The following CADPS2 variants were observed in gnomAD, a reference collection of about 807,000 sequenced individuals.
CADPS2 encodes the protein calcium dependent secretion activator 2, also known as calcium-dependent secretion activator 2.
CADPS2 carries 93 observed loss-of-function variants against 172.5 expected under a neutral mutation model. The observed-to-expected ratio is 0.54, with a 90% CI of 0.46 to 0.64. CADPS2 has a LOEUF of 0.64. Ranked by LOEUF, CADPS2 falls within the 30% of genes least tolerant of loss-of-function variation. The probability of loss-of-function intolerance (pLI) is 0.00; values close to 1 mark genes in which losing one functional copy is unlikely to be tolerated. For missense variants in CADPS2, 1,420 were observed against 1,565.9 expected, an observed-to-expected ratio of 0.91 and a Z score of 1.57; for synonymous variants, 546 against 555.2, an observed-to-expected ratio of 0.98 and a Z score of 0.23.
At chr7:122,543,464 T>G (rs1215906408) in intron 8 of CADPS2, among the ~76,000 whole-genome samples, 1 of 152,094 alleles carries the variant, frequency 6.6e-6, no homozygotes, top group African/African-American at 2.4e-5. Flanking sequence ...ATAAATTTAC[T>G]CATTTATTGA....
intron 2 of CADPS2, among the ~76,000 whole-genome samples, chr7:122,679,984 T>C (rs10265175): frequency 0.063 from 9,613 of 152,306 alleles, 412 homozygotes; most frequent in African/African-American, 0.1. Flanking sequence ...ATCTTTGCCA[T>C]GATTAGCTTG....
chr7:122,761,579 C>A (rs2093379869), intron 1 of CADPS2, among the ~76,000 whole-genome samples: 2 of 151,820 alleles, frequency 1.3e-5, no homozygotes, highest in Non-Finnish European at 2.9e-5. Context: ...AGAATCAGAC[C>A]AGCAGGACGA....
intron 1 of CADPS2, among the ~76,000 whole-genome samples, chr7:122,809,541 T>G (rs1371464751): frequency 1.3e-5 from 2 of 150,570 alleles, no homozygotes; most frequent in East Asian, 3.9e-4. Context: ...GATCGTGCCA[T>G]TGCACTCCAG....
At chr7:122,631,286 T>C (rs769094989) in intron 3 of CADPS2, among the ~76,000 whole-genome samples, 4 of 152,216 alleles carry the variant, frequency 2.6e-5, no homozygotes, top group Non-Finnish European at 5.9e-5. Context: ...GCATTTAATA[T>C]CTTAAAAGGC....
chr7:122,822,153 A>AT (rs1803492695), intron 1 of CADPS2, among the ~76,000 whole-genome samples: 1 of 150,918 alleles, frequency 6.6e-6, no homozygotes, highest in Admixed American at 6.6e-5. Context: ...AAGTAAATAA[A>AT]TAATCTTTGA....
intron 14 of CADPS2, among the ~76,000 whole-genome samples, chr7:122,457,500 G>A (rs150267840): frequency 2.4e-4 from 36 of 152,258 alleles, no homozygotes; most frequent in African/African-American, 7.9e-4. Flanking sequence ...CCTCAGGGAT[G>A]CCCAAATATT....
At chr7:122,439,065 C>T (rs1025365324) in intron 16 of CADPS2, among the ~76,000 whole-genome samples, 4 of 151,982 alleles carry the variant, frequency 2.6e-5, no homozygotes, top group African/African-American at 7.2e-5. Context: ...TATGAAGTAT[C>T]GAATGTTAAA....
rs565742472 is a variant in CADPS2, at chr7:122,874,281, C to T, written c.339+11718G>A. On this transcript the variant is annotated intron_variant, in intron 1 of 29. Coordinates refer to ENST00000449022, the MANE Select transcript of CADPS2 (RefSeq NM_017954.11). ...CAAATCATGAGTGAACTCCCACTCA[C>T]AATTGCTACAAAGAGAATAAAACAT... Among the ~76,000 whole-genome samples the T allele has an allele frequency of 3.3e-5, 5 of 152,230 alleles. No individual in the cohort carries two copies. The South Asian group carries it at 8.3e-4, about 25-fold the overall frequency.
chr7:122,367,763 T>C (rs1245681764), intron 25 of CADPS2, among the ~76,000 whole-genome samples: 5 of 143,964 alleles, frequency 3.5e-5, no homozygotes, highest in Non-Finnish European at 7.5e-5. Context: ...AAGTTTATTA[T>C]GGTATAGTTC....
intron 1 of CADPS2, among the ~76,000 whole-genome samples, chr7:122,750,672 G>A (rs777935447): frequency 2.6e-5 from 4 of 152,096 alleles, no homozygotes; most frequent in Non-Finnish European, 5.9e-5. Flanking sequence ...AGACATGTGT[G>A]ATCATTTTTA....
At chr7:122,566,330 T>C (rs1375551598) in intron 7 of CADPS2, among the ~76,000 whole-genome samples, 2 of 152,128 alleles carry the variant, frequency 1.3e-5, no homozygotes, top group East Asian at 1.9e-4. Flanking sequence ...TGTGCATTAA[T>C]ATAGCCATTT....
intron 12 of CADPS2, chr7:122,480,187 G>A (rs1408934010): frequency 1.7e-5 from 8 of 457,714 alleles, no homozygotes; most frequent in Middle Eastern, 3.3e-4. Context: ...TATCCAGAGA[G>A]TCAAAGAAAA....
At chr7:122,579,376 G>T (rs189905458) in intron 7 of CADPS2, among the ~76,000 whole-genome samples, 1 of 150,690 alleles carries the variant, frequency 6.6e-6, no homozygotes, top group African/African-American at 2.4e-5. Context: ...CCCTGTAATA[G>T]ATAGAAAAGT....
In CADPS2 at chr7:122,558,341, G is replaced by A. The variant is rs73717682; in HGVS notation, c.1336-3652C>T. ...AAGGATCCTTCTGTATCCTAAATTC[G>A]CATTTAAATTAAACTATAGCTCTGT... On this transcript the variant is annotated intron_variant, in intron 7 of 29. Transcript: ENST00000449022. Among the ~76,000 whole-genome samples, 1,228 of 152,088 alleles carry A rather than the reference G, an allele frequency of 8.1e-3. 16 individuals are homozygous for A. The highest frequency in any genetic ancestry group is 0.028 in the African/African-American group (1,182 of 41,474).
intron 13 of CADPS2, among the ~76,000 whole-genome samples, chr7:122,471,780 C>G (rs1563431245): frequency 6.6e-6 from 1 of 152,098 alleles, no homozygotes; most frequent in Non-Finnish European, 1.5e-5. Flanking sequence ...ACTGTCACAG[C>G]AAGGCATGGG....
intron 1 of CADPS2, among the ~76,000 whole-genome samples, chr7:122,803,485 G>C (rs1000886374): frequency 5.3e-5 from 8 of 152,126 alleles, no homozygotes; most frequent in African/African-American, 1.7e-4. Flanking sequence ...CTGTGACACA[G>C]AGCTTGCCAT....
intron 2 of CADPS2, among the ~76,000 whole-genome samples, chr7:122,710,475 C>T (rs1232980566): frequency 6.6e-6 from 1 of 152,018 alleles, no homozygotes; most frequent in African/African-American, 2.4e-5. Context: ...TAAGCTGAGC[C>T]ACATTGAGCC....
At chr7:122,566,514 C>A (rs1048576375) in intron 7 of CADPS2, among the ~76,000 whole-genome samples, 2 of 152,016 alleles carry the variant, frequency 1.3e-5, no homozygotes, top group Non-Finnish European at 2.9e-5. Context: ...TGAAATCAAC[C>A]TAAATGTCCA....
chr7:122,572,572 T>C (rs1479704940), intron 7 of CADPS2, among the ~76,000 whole-genome samples: 1 of 152,138 alleles, frequency 6.6e-6, no homozygotes, highest in African/African-American at 2.4e-5. Flanking sequence ...GATGACCCTT[T>C]ATCAAGTTAA....
Sources: allele counts gnomAD v4.1 joint callset (sites outside exome capture counted in the v4.1 genomes callset), GRCh38; gene constraint gnomAD v4.1.1; transcripts MANE v1.5; gene names NCBI Gene and HGNC (gene_info 2026-07-23, HGNC 2026-07-21).